Variants in MGMT observed in about 807,000 individuals in gnomAD.
MGMT encodes the protein methylated-DNA--protein-cysteine methyltransferase.
In MGMT, 14 loss-of-function variants were observed where a neutral mutation model predicts 15.9. The observed-to-expected ratio is 0.88, with a 90% CI of 0.58 to 1.37. MGMT has a LOEUF of 1.37. Among genes scored for constraint, MGMT ranks in the 40% most tolerant of loss-of-function variants. The pLI is 0.00. For synonymous variants in MGMT, 130 were observed against 118.2 expected, an observed-to-expected ratio of 1.10 and a Z score of -0.65; for missense variants, 282 against 268.1, an observed-to-expected ratio of 1.05 and a Z score of -0.36.
In MGMT at chr10:129,719,069, G is replaced by A. The variant is rs530925057; in HGVS notation, c.274+11026G>A. Among the ~76,000 whole-genome samples the A allele has an allele frequency of 2.6e-5, 4 of 152,206 alleles. No individual in the cohort carries two copies. In the South Asian group the frequency reaches 8.3e-4, roughly 32 times the overall value. On this transcript the variant is annotated intron_variant, in intron 3 of 4. Transcript: ENST00000651593. ...CTCAGGCGTGTCACCGTCCCAGGCT[G>A]TCCAGAGCCGATCTGTGTGCCCATT...
intron 2 of MGMT, among the ~76,000 whole-genome samples, chr10:129,646,754 A>ATATATATATATTTTTTTTTTT: frequency 1.4e-4 from 12 of 86,652 alleles, no homozygotes; most frequent in African/African-American, 3.5e-4. Context: ...ATATATATAT[A>ATATATATATATTTTTTTTTTT]TTTTCAGGGA....
chr10:129,661,405 A>G (rs1847596378), intron 2 of MGMT, among the ~76,000 whole-genome samples: 1 of 152,206 alleles, frequency 6.6e-6, no homozygotes, highest in Non-Finnish European at 1.5e-5. Flanking sequence ...CTCAGCAGTA[A>G]TAAAGACGCG....
At chr10:129,539,950 A>T (rs1194915162) in intron 2 of MGMT, among the ~76,000 whole-genome samples, 1 of 151,990 alleles carries the variant, frequency 6.6e-6, no homozygotes, top group Non-Finnish European at 1.5e-5. Flanking sequence ...TCTTTTTTGG[A>T]TTTCGACTGG....
chr10:129,606,504 C>G (rs891519753), intron 2 of MGMT, among the ~76,000 whole-genome samples: 2 of 152,188 alleles, frequency 1.3e-5, no homozygotes, highest in African/African-American at 4.8e-5. Flanking sequence ...CCGAGGGCCT[C>G]CGCACCCGGC....
intron 2 of MGMT, among the ~76,000 whole-genome samples, chr10:129,577,348 A>G (rs1286146927): frequency 1.3e-5 from 2 of 152,084 alleles, no homozygotes; most frequent in Non-Finnish European, 2.9e-5. Context: ...ATATAGACCA[A>G]TGGAACAGAA....
At chr10:129,695,456 G>C (rs1206972071) in intron 2 of MGMT, among the ~76,000 whole-genome samples, 1 of 152,226 alleles carries the variant, frequency 6.6e-6, no homozygotes, top group Non-Finnish European at 1.5e-5. Context: ...ATGGGACCGA[G>C]CCCCGTGGAG....
chr10:129,712,523 T>C (rs903124479), intron 3 of MGMT, among the ~76,000 whole-genome samples: 11 of 152,136 alleles, frequency 7.2e-5, no homozygotes, highest in African/African-American at 2.7e-4. Flanking sequence ...TATTTTTGTG[T>C]CTCCATCGAA....
chr10:129,718,289 G>A (rs770655258), intron 3 of MGMT, among the ~76,000 whole-genome samples: 7 of 152,214 alleles, frequency 4.6e-5, no homozygotes, highest in Non-Finnish European at 8.8e-5. Context: ...AGGCAGTGGC[G>A]CTTCGGGCTA....
At chr10:129,760,073 C>A (rs895862245) in intron 4 of MGMT, among the ~76,000 whole-genome samples, 1 of 152,254 alleles carries the variant, frequency 6.6e-6, no homozygotes, top group African/African-American at 2.4e-5. Flanking sequence ...AAGGCCCAAC[C>A]GGGACACAGC....
At chr10:129,587,109 T>TTCCTTCATG (rs1305115895) in intron 2 of MGMT, among the ~76,000 whole-genome samples, 1 of 152,196 alleles carries the variant, frequency 6.6e-6, no homozygotes, top group Non-Finnish European at 1.5e-5. Flanking sequence ...CATCCTTATT[T>TTCCTTCATG]TCCTTCATGT....
chr10:129,670,079 G>A (rs952065419), intron 2 of MGMT, among the ~76,000 whole-genome samples: 1 of 150,258 alleles, frequency 6.7e-6, no homozygotes, highest in African/African-American at 2.4e-5. Context: ...TTCAGTTTCT[G>A]ACTAAATTTC....
At chr10:129,756,572 T>C (rs1470701823) in intron 3 of MGMT, among the ~76,000 whole-genome samples, 1 of 152,166 alleles carries the variant, frequency 6.6e-6, no homozygotes, top group Non-Finnish European at 1.5e-5. Flanking sequence ...CGGGTTCAAG[T>C]GATTCTTCTG....
intron 2 of MGMT, among the ~76,000 whole-genome samples, chr10:129,655,620 G>C (rs935133148): frequency 1.6e-4 from 25 of 152,274 alleles, no homozygotes; most frequent in African/African-American, 6.0e-4. Context: ...AAACAAACAG[G>C]GATGAGTTTG....
At chr10:129,479,361 G>T (rs1845330417) in intron 1 of MGMT, among the ~76,000 whole-genome samples, 1 of 147,222 alleles carries the variant, frequency 6.8e-6, no homozygotes, top group Admixed American at 6.9e-5. Flanking sequence ...GTTACCATGG[G>T]AACCCAATTA....
intron 2 of MGMT, among the ~76,000 whole-genome samples, chr10:129,637,313 T>C (rs933029836): frequency 6.6e-6 from 1 of 152,194 alleles, no homozygotes; most frequent in Non-Finnish European, 1.5e-5. Flanking sequence ...AGGGCCTTCC[T>C]CAAAGCCAAG....
At chr10:129,508,705 C>T (rs1342545228) in intron 1 of MGMT, among the ~76,000 whole-genome samples, 15 of 151,976 alleles carry the variant, frequency 9.9e-5, no homozygotes, top group Admixed American at 2.6e-4. Context: ...GCCACATGCC[C>T]GGCTGACTTT....
At chr10:129,555,861 C>A (rs1167619684) in intron 2 of MGMT, among the ~76,000 whole-genome samples, 1 of 152,196 alleles carries the variant, frequency 6.6e-6, no homozygotes, top group African/African-American at 2.4e-5. Flanking sequence ...TCGGCAACTC[C>A]GTCAGAGTCC....
chr10:129,615,573 A>G (rs923483172), intron 2 of MGMT, among the ~76,000 whole-genome samples: 1 of 152,166 alleles, frequency 6.6e-6, no homozygotes, highest in Non-Finnish European at 1.5e-5. Context: ...CATCCGGAAC[A>G]TTCCTCACCC....
intron 3 of MGMT, among the ~76,000 whole-genome samples, chr10:129,755,623 G>A (rs1186872318): frequency 1.3e-5 from 2 of 152,248 alleles, no homozygotes; most frequent in African/African-American, 2.4e-5. Context: ...AGGGAAAGGA[G>A]ACTCCTCCTC....
Sources: gnomAD v4.1 joint callset for allele counts (sites outside exome capture counted in the v4.1 genomes callset) on GRCh38, gnomAD v4.1.1 for gene constraint, MANE v1.5 for transcripts, NCBI Gene and HGNC (gene_info 2026-07-23, HGNC 2026-07-21) for gene names.